GREP1: variants seen among roughly 807,000 people sequenced by gnomAD.
GREP1 encodes glycine rich extracellular protein 1.
At chr16:3,000,604 G>A in exon 32 of GREP1, 1 of 398,940 alleles carries the variant, frequency 2.5e-6, no homozygotes, top group Non-Finnish European at 4.4e-6. Context: ...TCTAGCCCCT[G>A]AAGGAAATGG....
Position 2,997,790 on chromosome 16 carries a change from C to T in GREP1, c.917-13C>T, listed in dbSNP as rs1180020304. The T allele has an allele frequency of 1.0e-5, 4 of 398,326 alleles. No individual in the cohort carries two copies. The highest frequency in any genetic ancestry group is 8.8e-5 in the Admixed American group (2 of 22,708). 24.7% of individuals were successfully genotyped at this position (398,326 alleles called of 1,614,324 possible). On this transcript the variant is annotated splice_polypyrimidine_tract_variant and intron_variant, in intron 22 of 34. Coordinates refer to ENST00000573315, the Ensembl canonical transcript of GREP1. ...AGTGGGCATGGGTCCCTCACCTACT[C>T]GCATCTCTCCAGGTGCTGGAGAGGG...
At chr16:3,001,605 C>G in exon 35 of GREP1, 1 of 399,224 alleles carries the variant, frequency 2.5e-6, no homozygotes, top group Non-Finnish European at 4.4e-6. Context: ...ATGCCCCTCG[C>G]CTGCCCAGCA....
chr16:2,999,594 A>G (rs1248540380), intron 27 of GREP1, among the ~76,000 whole-genome samples: 7 of 149,516 alleles, frequency 4.7e-5, no homozygotes, highest in African/African-American at 1.7e-4. Flanking sequence ...TTGGCATTAC[A>G]GGCACGCACC....
intron 22 of GREP1, chr16:2,997,564 G>A: frequency 2.5e-6 from 1 of 398,120 alleles, no homozygotes; most frequent in East Asian, 3.6e-5. Flanking sequence ...GGCACAAGGG[G>A]GAGGGAGGTG....
chr16:3,001,317 T>C (rs1038492895), exon 34 of GREP1: 23 of 399,118 alleles, frequency 5.8e-5, no homozygotes, highest in Admixed American at 2.2e-4. Flanking sequence ...AATGGCCAGC[T>C]GGGGAATGGC....
rs559050079 is a variant in GREP1, at chr16:3,001,141, C to T, written c.1532-140C>T. 33 of 397,946 alleles carry T rather than the reference C, an allele frequency of 8.3e-5. No individual in the cohort carries two copies. In the East Asian group the frequency reaches 1.0e-3, roughly 12 times the overall value. The allele number at this position is 397,946 out of a possible 1,614,324, so 24.7% of individuals were successfully genotyped here. ...TCTCCATACTCTGTCCCTCTCCCCC[C>T]GGTCCTCTGAGAAACTGAGGCAGAG... On this transcript the variant is annotated intron_variant, in intron 33 of 34. Coordinates refer to ENST00000573315, the Ensembl canonical transcript of GREP1.
chr16:2,995,490 C>A, intron 15 of GREP1, 129 bp from the exon 16 acceptor site: 2 of 398,890 alleles, frequency 5.0e-6, no homozygotes, highest in Non-Finnish European at 8.8e-6. Context: ...CTCCCTGCCT[C>A]CCTTCCCAGT....
chr16:2,993,242 C>T, intron 10 of GREP1: 1 of 287,608 alleles, frequency 3.5e-6, no homozygotes, highest in Non-Finnish European at 6.4e-6. Flanking sequence ...ACAGGAAGTC[C>T]TTCCCCTTCT....
chr16:2,994,870 C>A, intron 12 of GREP1, 32 bp downstream of exon 13: 1 of 399,214 alleles, frequency 2.5e-6, no homozygotes, highest in Non-Finnish European at 4.4e-6. Context: ...CCCTCTGCCT[C>A]CCCAAAACCT....
exon 18 of GREP1, chr16:2,995,871 C>T (rs1025730547): frequency 1.3e-5 from 5 of 398,436 alleles, no homozygotes; most frequent in African/African-American, 8.2e-5. Flanking sequence ...TGGGAAAAGG[C>T]TGAGAGCAGG....
chr16:2,988,651 G>A (rs773056388), intron 2 of GREP1, 29 bp downstream of exon 2: 2 of 399,236 alleles, frequency 5.0e-6, no homozygotes, highest in Admixed American at 4.4e-5. Flanking sequence ...ACTGGGGTCA[G>A]GAAGAGTCTC....
chr16:2,992,811 C>G lies in GREP1; in HGVS notation c.329C>G (p.Ala110Gly), dbSNP rs920255279. Residue 110 changes from alanine to glycine, a missense_variant, in exon 9 of 35, where the codon GCC (alanine) becomes GGC (glycine). Transcript: ENST00000573315. This position sits in a 1 kb window ranked among gnomAD's most constrained non-coding sequence, Gnocchi z 4.9. ...TGTGTCTGCCCTCAAACAGGTCCTG[C>G]CGCTCAAAATGGCTTTGGACCAGGT... 5 of 399,156 alleles carry G rather than the reference C, an allele frequency of 1.3e-5. No homozygotes were observed. Among genetic ancestry groups the G allele is most frequent in the Non-Finnish European group, 2.2e-5 (5 of 226,108 alleles). 24.7% of individuals were successfully genotyped at this position (399,156 alleles called of 1,614,324 possible).
chr16:2,993,813 A>T (rs2072410811), intron 10 of GREP1: 1 of 152,130 alleles, frequency 6.6e-6, no homozygotes. Flanking sequence ...CAAAAAAATC[A>T]GTCGGGCGTG....
At chr16:3,000,865 G>C in intron 33 of GREP1, 38 bp downstream of exon 27, 2 of 398,878 alleles carry the variant, frequency 5.0e-6, no homozygotes, top group Non-Finnish European at 8.8e-6. Flanking sequence ...GGGGCCATTA[G>C]AGGTGGCTTC....
intron 15 of GREP1, 38 bp from the exon 16 acceptor site, chr16:2,995,581 A>G: frequency 7.5e-6 from 3 of 398,652 alleles, no homozygotes; most frequent in Non-Finnish European, 8.8e-6. Context: ...CACCTCAACC[A>G]AACCCCAAAT....
At chr16:2,996,773 G>A (rs1233601987) in intron 20 of GREP1, 68 bp downstream of exon 19, 1 of 398,702 alleles carries the variant, frequency 2.5e-6, no homozygotes, top group African/African-American at 2.1e-5. Flanking sequence ...GGGTCTGCGT[G>A]GGACTCCCAG....
intron 5 of GREP1, 196 bp from the exon 6 acceptor site, chr16:2,990,356 G>A: frequency 2.5e-6 from 1 of 398,826 alleles, no homozygotes; most frequent in Non-Finnish European, 4.4e-6. Context: ...CTATGGAGCA[G>A]GTAGAGATGG....
chr16:2,996,536 G>A lies in GREP1; in HGVS notation c.712+5G>A, dbSNP rs1301508258. The A allele has an allele frequency of 2.5e-6, 1 of 399,342 alleles. No homozygotes were observed. The highest frequency in any genetic ancestry group is 4.4e-6 in the Non-Finnish European group (1 of 226,304). The allele number at this position is 399,342 out of a possible 1,614,324, so 24.7% of individuals were successfully genotyped here. A position where few individuals can be genotyped will look rare whatever the true frequency, so the allele number is the denominator to read the frequency against. Reference sequence around the variant, plus strand: ...ATGGACCGGGAGTCCAGCCAGGTGAGGGCAGCTGGGCCTGGCTCGCGAGGG... The same window carrying A: ...ATGGACCGGGAGTCCAGCCAGGTGAAGGCAGCTGGGCCTGGCTCGCGAGGG... On this transcript the variant is annotated splice_donor_5th_base_variant and intron_variant, in intron 19 of 34. Coordinates refer to ENST00000573315, the Ensembl canonical transcript of GREP1.
In GREP1 at chr16:2,989,385, C is replaced by A. The variant is rs962192493; in HGVS notation, c.101-138C>A. 1 of 398,194 alleles carries A rather than the reference C, an allele frequency of 2.5e-6. No homozygotes were observed. The highest frequency in any genetic ancestry group is 4.4e-6 in the Non-Finnish European group (1 of 225,804). The allele number at this position is 398,194 out of a possible 1,614,324, so 24.7% of individuals were successfully genotyped here. On this transcript the variant is annotated intron_variant, in intron 2 of 34. Transcript: ENST00000573315. The surrounding 1 kb of genome is among the most constrained non-coding windows in gnomAD (Gnocchi z 4.2). ...TGTCCCCTTGTAAGTTCCCCTGCTTCCCCCTGAACCCCACAGGCTTAGGGA... is the reference window on the plus strand; with the variant it reads ...TGTCCCCTTGTAAGTTCCCCTGCTTACCCCTGAACCCCACAGGCTTAGGGA...
Sources: gnomAD v4.1 joint callset for allele counts (sites outside exome capture counted in the v4.1 genomes callset) on GRCh38, gnomAD v4.1.1 for gene constraint, Gnocchi (gnomAD v3.1) non-coding constraint, MANE v1.5 for transcripts, NCBI Gene and HGNC (gene_info 2026-07-23, HGNC 2026-07-21) for gene names.